XPO7: variants seen among roughly 807,000 people sequenced by gnomAD.
The protein encoded by XPO7 is exportin 7, also known as exportin-7.
XPO7 carries 21 observed loss-of-function variants against 144.3 expected under a neutral mutation model. That is an observed-to-expected ratio of 0.15 (90% CI 0.10 to 0.21). XPO7 has a LOEUF of 0.21. Among genes scored for constraint, XPO7 ranks in the 10% least tolerant of loss-of-function variants. The probability of loss-of-function intolerance (pLI) is 1.00; values close to 1 mark genes in which losing one functional copy is unlikely to be tolerated. For missense variants in XPO7, 808 were observed against 1,325.8 expected, an observed-to-expected ratio of 0.61 and a Z score of 6.06; for synonymous variants, 580 against 499.6, an observed-to-expected ratio of 1.16 and a Z score of -2.15.
chr8:21,985,294 C>T (rs770400753), intron 12 of XPO7, among the ~76,000 whole-genome samples: 1 of 152,220 alleles, frequency 6.6e-6, no homozygotes, highest in Non-Finnish European at 1.5e-5. Context: ...CCTCTTTTTA[C>T]CGGGCCTGGC....
At chr8:21,935,057 T>C (rs148512354) in intron 1 of XPO7, among the ~76,000 whole-genome samples, 124 of 152,022 alleles carry the variant, frequency 8.2e-4, no homozygotes, top group Non-Finnish European at 1.4e-3. Context: ...GACATTTGCA[T>C]TGTATGTAGG....
At chr8:21,932,083 A>G (rs867412628) in intron 1 of XPO7, among the ~76,000 whole-genome samples, 1 of 152,212 alleles carries the variant, frequency 6.6e-6, no homozygotes, top group African/African-American at 2.4e-5. Flanking sequence ...CGTGTTGGCC[A>G]GGCTGGTCTC....
At chr8:22,003,873 T>G (rs376283552) in intron 26 of XPO7, 30 bp from the exon 27 acceptor site, 1 of 1,613,408 alleles carries the variant, frequency 6.2e-7, no homozygotes, top group Non-Finnish European at 8.5e-7. Context: ...CCTGCTTCTC[T>G]AACCTTCTGT....
chr8:21,994,032 T>C (rs1471369691), intron 19 of XPO7, among the ~76,000 whole-genome samples: 5 of 150,702 alleles, frequency 3.3e-5, no homozygotes, highest in African/African-American at 9.8e-5. Flanking sequence ...TTACATGTGA[T>C]GTATTACTTC....
chr8:21,982,531 C>T, intron 10 of XPO7, 109 bp from the exon 11 acceptor site: 2 of 1,263,014 alleles, frequency 1.6e-6, no homozygotes, highest in Non-Finnish European at 2.1e-6. Flanking sequence ...AAAAGTCTAT[C>T]CTCTTTTTTT....
chr8:21,949,532 C>G (rs1353784278), intron 1 of XPO7, among the ~76,000 whole-genome samples: 1 of 152,156 alleles, frequency 6.6e-6, no homozygotes, highest in African/African-American at 2.4e-5. Context: ...TTTAAGAATT[C>G]AGTTAAAAGC....
At chr8:21,940,545 C>G (rs1810957093) in intron 1 of XPO7, among the ~76,000 whole-genome samples, 1 of 151,180 alleles carries the variant, frequency 6.6e-6, no homozygotes, top group South Asian at 2.1e-4. Context: ...TCTCGGCTCA[C>G]TGCAACCTCC....
At chr8:21,984,169 C>T (rs114717386) in intron 11 of XPO7, among the ~76,000 whole-genome samples, 6 of 152,074 alleles carry the variant, frequency 3.9e-5, no homozygotes, top group African/African-American at 1.4e-4. Context: ...TTTGATGTGC[C>T]ACAAAGCCCA....
intron 1 of XPO7, among the ~76,000 whole-genome samples, chr8:21,936,364 A>G (rs756087740): frequency 6.6e-6 from 1 of 152,148 alleles, no homozygotes; most frequent in Non-Finnish European, 1.5e-5. Context: ...TGTAATTTGA[A>G]TCTCATAGTC....
At position 21,990,827 on chromosome 8, in the gene XPO7, T is replaced by G. The variant is rs1812748560; in HGVS notation, c.1949T>G (p.Phe650Cys). The G allele has an allele frequency of 1.2e-6, 2 of 1,613,844 alleles. No individual in the cohort carries two copies. Among genetic ancestry groups the G allele is most frequent in the Non-Finnish European group, 1.7e-6 (2 of 1,179,882 alleles). Residue 650 changes from phenylalanine (F) to cysteine (C), a missense_variant, in exon 18 of 28, where the codon TTT becomes TGT. Coordinates refer to ENST00000252512, the MANE Select transcript of XPO7 (RefSeq NM_015024.5). ...TTTCAATAGAGCGAGCACTTTTCAT[T>G]TTTGGGTATTAACAATCAGTCCAAC... The part of the protein sequence containing the change: ...LNNHTSEHFS[F>C]LGINNQSNLT...
chr8:21,934,893 G>A (rs1182803994), intron 1 of XPO7, among the ~76,000 whole-genome samples: 1 of 152,190 alleles, frequency 6.6e-6, no homozygotes, highest in Non-Finnish European at 1.5e-5. Flanking sequence ...CAGTTGCAGG[G>A]ACTCACGCAA....
At chr8:21,952,883 G>T (rs149635890) in intron 1 of XPO7, among the ~76,000 whole-genome samples, 1 of 152,164 alleles carries the variant, frequency 6.6e-6, no homozygotes, top group African/African-American at 2.4e-5. Context: ...ATCAAACTGC[G>T]GAAGGAAGAA....
intron 4 of XPO7, 87 bp from the exon 5 acceptor site, chr8:21,971,789 C>G: frequency 9.8e-7 from 1 of 1,022,850 alleles, no homozygotes; most frequent in Non-Finnish European, 1.4e-6. Flanking sequence ...GACACAGGAA[C>G]CCGTCATTCG....
At chr8:21,944,041 T>C (rs73672332) in intron 1 of XPO7, among the ~76,000 whole-genome samples, 3,136 of 152,260 alleles carry the variant, frequency 0.021, 84 homozygotes, top group East Asian at 0.12. Flanking sequence ...CATGAGGTAA[T>C]TGACTAAAAT....
intron 17 of XPO7, 143 bp from the exon 18 acceptor site, chr8:21,990,668 C>CA (rs371339696): frequency 0.16 from 102,438 of 630,962 alleles, no homozygotes; most frequent in South Asian, 0.19. Flanking sequence ...AGCCTGCCTT[C>CA]AAAAAAAAAA....
intron 6 of XPO7, among the ~76,000 whole-genome samples, chr8:21,975,234 T>A (rs1240120822): frequency 6.6e-6 from 1 of 152,216 alleles, no homozygotes; most frequent in East Asian, 1.9e-4. Flanking sequence ...CCCCGCTGAG[T>A]TAAAAGCAGC....
intron 1 of XPO7, among the ~76,000 whole-genome samples, chr8:21,951,996 C>T (rs1478376323): frequency 6.6e-6 from 1 of 152,138 alleles, no homozygotes; most frequent in Non-Finnish European, 1.5e-5. Context: ...GTACCATCCC[C>T]ACATTGTGCA....
Position 21,989,213 on chromosome 8 carries a change from G to A in XPO7, c.1868+130G>A, listed in dbSNP as rs1051527408. 40 of 901,180 alleles carry A rather than the reference G, an allele frequency of 4.4e-5. No individual in the cohort carries two copies. In the African/African-American group the frequency reaches 6.3e-4, roughly 14 times the overall value. 55.8% of individuals were successfully genotyped at this position (901,180 alleles called of 1,614,324 possible). ...ACTCACATATCTTCCATTTTCCTAG[G>A]AGTCCAAAAAAACGCCAATGCCCAT... On this transcript the variant is annotated intron_variant, in intron 16 of 27. Transcript: ENST00000252512.
At chr8:21,959,511 C>G (rs999823642) in intron 1 of XPO7, among the ~76,000 whole-genome samples, 3 of 152,150 alleles carry the variant, frequency 2.0e-5, no homozygotes, top group South Asian at 2.1e-4. Flanking sequence ...TTACTCTGTA[C>G]TGAATCAACT....
Sources: allele counts gnomAD v4.1 joint callset (sites outside exome capture counted in the v4.1 genomes callset), GRCh38; gene constraint gnomAD v4.1.1; transcripts MANE v1.5; gene names NCBI Gene and HGNC (gene_info 2026-07-23, HGNC 2026-07-21).